The following MAP2K4 variants were observed in gnomAD, a reference collection of about 807,000 sequenced individuals.
MAP2K4 encodes mitogen-activated protein kinase kinase 4, also known as dual specificity mitogen-activated protein kinase kinase 4.
MAP2K4 carries 4 observed loss-of-function variants against 48.5 expected under a neutral mutation model. The ratio of observed to expected loss-of-function variants is 0.08; its 90% confidence interval spans 0.04 to 0.19. The LOEUF is 0.19. Ranked by LOEUF, MAP2K4 falls within the 10% of genes least tolerant of loss-of-function variation. The pLI, the probability that MAP2K4 is intolerant of heterozygous loss-of-function variation, is 1.00. For synonymous variants in MAP2K4, 166 were observed against 173.1 expected, an observed-to-expected ratio of 0.96 and a Z score of 0.32; for missense variants, 258 against 493.3, an observed-to-expected ratio of 0.52 and a Z score of 4.52.
At chr17:12,065,232 G>A (rs917466339) in intron 2 of MAP2K4, among the ~76,000 whole-genome samples, 2 of 147,424 alleles carry the variant, frequency 1.4e-5, no homozygotes, top group African/African-American at 5.0e-5. Context: ...AAGCAATCCT[G>A]AACAATAACA....
Position 12,032,181 on chromosome 17 carries a change from T to C in MAP2K4, c.115+11180T>C, listed in dbSNP as rs982260925. Reference sequence around the variant, plus strand: ...TTCTTGAATTAGTTTTATTCAAAATTTAATATAAAAATGCAATGTCATGTT... The same window carrying C: ...TTCTTGAATTAGTTTTATTCAAAATCTAATATAAAAATGCAATGTCATGTT... On this transcript the variant is annotated intron_variant, in intron 1 of 10. Transcript: ENST00000353533. 5.0e-6 allele frequency: 3 copies of C among 599,488 alleles called. No individual in the cohort carries two copies. The African/African-American group carries it at 5.6e-5, about 11-fold the overall frequency. 37.1% of individuals were successfully genotyped at this position (599,488 alleles called of 1,614,324 possible).
chr17:12,072,554 T>C (rs1483569651), intron 2 of MAP2K4, among the ~76,000 whole-genome samples: 2 of 152,180 alleles, frequency 1.3e-5, no homozygotes, highest in South Asian at 2.1e-4. Context: ...AATTAGACTT[T>C]TAACTTTTAA....
chr17:12,083,916 C>CTGT (rs1971276906), intron 3 of MAP2K4, among the ~76,000 whole-genome samples: 1 of 152,162 alleles, frequency 6.6e-6, no homozygotes, highest in Non-Finnish European at 1.5e-5. Context: ...CTTTCCATTG[C>CTGT]TGTTGGTGAA....
intron 3 of MAP2K4, among the ~76,000 whole-genome samples, chr17:12,082,553 G>T (rs952078898): frequency 1.3e-5 from 2 of 152,158 alleles, no homozygotes; most frequent in East Asian, 3.9e-4. Context: ...ATTTGAGAAT[G>T]AATTTAAATT....
intron 1 of MAP2K4, among the ~76,000 whole-genome samples, chr17:12,044,270 A>G (rs905287543): frequency 3.3e-5 from 5 of 152,118 alleles, no homozygotes; most frequent in African/African-American, 9.7e-5. Context: ...TGGGTTGTCT[A>G]CTGGATTGGT....
intron 4 of MAP2K4, among the ~76,000 whole-genome samples, chr17:12,097,300 A>C (rs747219457): frequency 3.3e-5 from 5 of 152,198 alleles, no homozygotes; most frequent in Non-Finnish European, 7.3e-5. Context: ...TTCATTATAG[A>C]CTTTCCCCAG....
chr17:12,026,575 C>T (rs183367068), intron 1 of MAP2K4, among the ~76,000 whole-genome samples: 93 of 152,262 alleles, frequency 6.1e-4, no homozygotes, highest in African/African-American at 2.2e-3. Context: ...AGGGGGTAGA[C>T]GTTTATTTGT....
At chr17:12,037,781 G>A (rs1006793564) in intron 1 of MAP2K4, among the ~76,000 whole-genome samples, 1 of 152,018 alleles carries the variant, frequency 6.6e-6, no homozygotes, top group Non-Finnish European at 1.5e-5. Context: ...TTTTATATTA[G>A]TTAAAGCCCA....
rs1037241417 is a variant in MAP2K4, at chr17:12,083,172, T to C, written c.393+1642T>C. On this transcript the variant is annotated intron_variant, in intron 3 of 10. Transcript: ENST00000353533. ...TGAACATTATTAAACATTTTAGTAA[T>C]ATGGATTGATTTTAGCCATTGTTAA... Among the ~76,000 whole-genome samples, 3 of 152,268 alleles carry C rather than the reference T, an allele frequency of 2.0e-5. No homozygotes were observed. The East Asian group carries it at 5.8e-4, about 29-fold the overall frequency.
chr17:12,069,304 T>G (rs910884853), intron 2 of MAP2K4, among the ~76,000 whole-genome samples: 1 of 152,132 alleles, frequency 6.6e-6, no homozygotes, highest in African/African-American at 2.4e-5. Flanking sequence ...CCTATAGATT[T>G]AGGGCAGTTT....
In MAP2K4 at chr17:12,118,263, C is replaced by T. The variant is rs538668210; in HGVS notation, c.813+4903C>T. On this transcript the variant is annotated intron_variant, in intron 7 of 10. Coordinates refer to ENST00000353533, the MANE Select transcript of MAP2K4 (RefSeq NM_003010.4). ...TTGGCATGATTACCCCAGAAAGACA[C>T]TACAGCTGATGAGACAGCCCCTGCA... 9.9e-5 allele frequency among the ~76,000 whole-genome samples: 15 copies of T among 152,244 alleles called. No homozygotes were observed. The East Asian group carries it at 2.9e-3, about 29-fold the overall frequency.
At chr17:12,035,406 A>G (rs1421284480) in intron 1 of MAP2K4, among the ~76,000 whole-genome samples, 4 of 152,164 alleles carry the variant, frequency 2.6e-5, no homozygotes, top group African/African-American at 7.2e-5. Flanking sequence ...AATCCTAGCT[A>G]TTTGGGAGGC....
rs959911955 is a variant in MAP2K4 at position 12,020,911 on chromosome 17, G to A, written c.25G>A (p.Gly9Ser). The A allele has an allele frequency of 2.2e-5, 27 of 1,215,594 alleles. No individual in the cohort carries two copies. The highest frequency in any genetic ancestry group is 1.3e-4 in the Admixed American group (3 of 23,060). The allele number at this position is 1,215,594 out of a possible 1,614,324, so 75.3% of individuals were successfully genotyped here. A position where few individuals can be genotyped will look rare whatever the true frequency, so the allele number is the denominator to read the frequency against. MAAPSPSG[G>S]GGSGGGSGSG... ...AATGGCGGCTCCGAGCCCGAGCGGC[G>A]GCGGCGGCTCCGGGGGCGGCAGCGG... The change falls in exon 1 of 11, where the codon GGC (glycine) becomes AGC (serine). Residue 9 changes from glycine (G) to serine (S), a missense_variant. By Grantham distance (56) the Gly-to-Ser change is moderately conservative. This residue lies in a region of MAP2K4 where 69 missense variants were observed against 56.2 expected (regional missense o/e 1.23). Transcript: ENST00000353533.
intron 1 of MAP2K4, among the ~76,000 whole-genome samples, chr17:12,050,028 A>G (rs1317242746): frequency 6.6e-6 from 1 of 152,236 alleles, no homozygotes; most frequent in Non-Finnish European, 1.5e-5. Flanking sequence ...AGGGCTATCA[A>G]ATATGGTGAT....
intron 2 of MAP2K4, among the ~76,000 whole-genome samples, chr17:12,067,373 G>A (rs1970649475): frequency 6.6e-6 from 1 of 152,126 alleles, no homozygotes; most frequent in African/African-American, 2.4e-5. Flanking sequence ...TCTCGACCTT[G>A]TTACTGTTGA....
At chr17:12,110,677 G>T in intron 6 of MAP2K4, 1 of 407,076 alleles carries the variant, frequency 2.5e-6, no homozygotes, top group South Asian at 3.5e-5. Context: ...GTTATTAGTT[G>T]AAAAATAATT....
At chr17:12,089,589 T>C (rs1470482201) in intron 3 of MAP2K4, among the ~76,000 whole-genome samples, 2 of 152,216 alleles carry the variant, frequency 1.3e-5, no homozygotes. Context: ...TACTTTGGAA[T>C]ACTCTACCTA....
chr17:12,055,003 T>C lies in MAP2K4; in HGVS notation c.218+12T>C, dbSNP rs112612958. ...CAAAACCCACACATGTGAGTATTCT[T>C]GGTAATCAAAGGCTCAACTCAAGCA... On this transcript the variant is annotated intron_variant, in intron 2 of 10. Transcript: ENST00000353533. The C allele has an allele frequency of 1.0e-5, 16 of 1,549,120 alleles. No homozygotes were observed. The African/African-American group carries it at 1.5e-4, about 14-fold the overall frequency.
chr17:12,142,028 TC>T lies in MAP2K4; in HGVS notation c.*770del. ...TGCCACTTGTCAAAGAAGGTGCTGA[TC>T]CTAAGAATTTTTCATTCTCAGAATT... is the stretch of plus-strand genomic sequence containing the variant. On this transcript the variant is annotated 3_prime_UTR_variant, in exon 11 of 11. Coordinates refer to ENST00000353533, the MANE Select transcript of MAP2K4 (RefSeq NM_003010.4). 1 of 233,370 alleles carries T rather than the reference TC, an allele frequency of 4.3e-6. No homozygotes were observed. Among genetic ancestry groups the T allele is most frequent in the Non-Finnish European group, 8.5e-6 (1 of 117,906 alleles). The allele number at this position is 233,370 out of a possible 1,614,324, so 14.5% of individuals were successfully genotyped here. A position where few individuals can be genotyped will look rare whatever the true frequency, so the allele number is the denominator to read the frequency against.
Sources: gnomAD v4.1 joint callset for allele counts (sites outside exome capture counted in the v4.1 genomes callset) on GRCh38, gnomAD v4.1.1 for gene constraint, gnomAD v4.1.1 regional missense constraint, MANE v1.5 for transcripts, NCBI Gene and HGNC (gene_info 2026-07-23, HGNC 2026-07-21) for gene names.